C1orf21: variants seen among roughly 807,000 people sequenced by gnomAD.
C1orf21 encodes the protein uncharacterized protein C1orf21.
Under a neutral mutation model 18.7 loss-of-function variants are expected in C1orf21, and 3 were observed. That is an observed-to-expected ratio of 0.16 (90% CI 0.07 to 0.42). C1orf21 has a LOEUF of 0.42. Ranked by LOEUF, C1orf21 falls within the 10% of genes least tolerant of loss-of-function variation. C1orf21 has a pLI of 0.99. For missense variants in C1orf21, 104 were observed against 143.6 expected (o/e 0.72, Z 1.41); for synonymous variants, 41 against 46.4 (o/e 0.88, Z 0.47).
At chr1:184,532,793 G>A (rs1424878994) in intron 3 of C1orf21, among the ~76,000 whole-genome samples, 1 of 152,094 alleles carries the variant, frequency 6.6e-6, no homozygotes, top group Non-Finnish European at 1.5e-5. Flanking sequence ...CACAGTTACA[G>A]TTTTTATTGT....
chr1:184,405,291 G>T (rs1008804336), intron 1 of C1orf21, among the ~76,000 whole-genome samples: 1 of 151,928 alleles, frequency 6.6e-6, no homozygotes, highest in African/African-American at 2.4e-5. Context: ...AATCTCCCTG[G>T]CTCTATCAAT....
At chr1:184,541,305 G>A (rs951669127) in intron 3 of C1orf21, among the ~76,000 whole-genome samples, 2 of 152,096 alleles carry the variant, frequency 1.3e-5, no homozygotes, top group African/African-American at 4.8e-5. Context: ...GGACCCCTAG[G>A]TTTTATTTTT....
At chr1:184,402,992 G>A (rs1656187753) in intron 1 of C1orf21, among the ~76,000 whole-genome samples, 1 of 152,176 alleles carries the variant, frequency 6.6e-6, no homozygotes, top group Non-Finnish European at 1.5e-5. Context: ...TTTCAGGGTA[G>A]CAGAATAAAG....
chr1:184,504,126 C>G (rs959554275), intron 2 of C1orf21, among the ~76,000 whole-genome samples: 2 of 152,164 alleles, frequency 1.3e-5, no homozygotes, highest in African/African-American at 4.8e-5. Context: ...CCAGGCGTTG[C>G]TTTTACCCCA....
intron 1 of C1orf21, among the ~76,000 whole-genome samples, chr1:184,396,251 TG>T (rs1442510812): frequency 6.6e-6 from 1 of 152,168 alleles, no homozygotes; most frequent in Non-Finnish European, 1.5e-5. Context: ...TTTTGTATGA[TG>T]TTTGGTTCTC....
At chr1:184,536,267 A>G (rs911970829) in intron 3 of C1orf21, among the ~76,000 whole-genome samples, 7 of 151,958 alleles carry the variant, frequency 4.6e-5, no homozygotes, top group African/African-American at 1.7e-4. Flanking sequence ...TGGCGTACAC[A>G]CTCTAAGAGC....
At chr1:184,524,968 A>G (rs556331151) in intron 3 of C1orf21, among the ~76,000 whole-genome samples, 1 of 152,228 alleles carries the variant, frequency 6.6e-6, no homozygotes, top group East Asian at 1.9e-4. Flanking sequence ...TGAGGAGTAC[A>G]TTGAGATTAC....
chr1:184,491,403 G>A (rs2101956218), intron 2 of C1orf21, among the ~76,000 whole-genome samples: 1 of 150,796 alleles, frequency 6.6e-6, no homozygotes, highest in East Asian at 1.9e-4. Context: ...AGGCTGGAGT[G>A]CAATGGCACG....
intron 3 of C1orf21, among the ~76,000 whole-genome samples, chr1:184,586,393 C>G (rs964976807): frequency 2.0e-5 from 3 of 151,070 alleles, no homozygotes; most frequent in Admixed American, 1.3e-4. Flanking sequence ...ACGCCATTCT[C>G]CTGCCTCAGC....
chr1:184,542,065 C>A (rs1571406617), intron 3 of C1orf21, among the ~76,000 whole-genome samples: 1 of 152,286 alleles, frequency 6.6e-6, no homozygotes, highest in Non-Finnish European at 1.5e-5. Flanking sequence ...ATACCGGGTG[C>A]AGTCATCTTT....
chr1:184,464,696 G>T (rs1367494080), intron 1 of C1orf21, among the ~76,000 whole-genome samples: 1 of 151,466 alleles, frequency 6.6e-6, no homozygotes, highest in African/African-American at 2.4e-5. Context: ...GACATGGAAT[G>T]GTGTATAGAC....
intron 3 of C1orf21, among the ~76,000 whole-genome samples, chr1:184,581,352 C>T (rs1659274280): frequency 6.6e-6 from 1 of 151,892 alleles, no homozygotes. Flanking sequence ...ATTGCTTGAA[C>T]CTGGGAGGCG....
intron 3 of C1orf21, among the ~76,000 whole-genome samples, chr1:184,552,298 G>T (rs1018458731): frequency 1.3e-5 from 2 of 152,146 alleles, no homozygotes; most frequent in African/African-American, 4.8e-5. Flanking sequence ...GAAGGTAGAA[G>T]AATAACCTTA....
chr1:184,449,336 G>A (rs374925887), intron 1 of C1orf21, among the ~76,000 whole-genome samples: 37 of 152,104 alleles, frequency 2.4e-4, no homozygotes, highest in African/African-American at 8.0e-4. Flanking sequence ...TGCTGAGAAT[G>A]ATGGTTTCCA....
At chr1:184,610,954 C>T in intron 5 of C1orf21, among the ~76,000 whole-genome samples, 1 of 151,718 alleles carries the variant, frequency 6.6e-6, no homozygotes, top group South Asian at 2.1e-4. Flanking sequence ...TTAGTTAATA[C>T]TTACTCTCTC....
rs1557965191 is a variant in C1orf21 at position 184,410,665 on chromosome 1, T to TATATATATATAATATATATATATA, written c.-125+23297_-125+23298insATATATATATAATATATATATATA. On this transcript the variant is annotated intron_variant, in intron 1 of 5. Transcript: ENST00000235307. ...TATATATATATATATATATATATATTTTTTTTTTTTTTTTTTGAGATGGAG... is the reference window on the plus strand; with the variant it reads ...TATATATATATATATATATATATATTATATATATATAATATATATATATATTTTTTTTTTTTTTTTGAGATGGAG... Among the ~76,000 whole-genome samples, 8 of 16,506 alleles carry TATATATATATAATATATATATATA rather than the reference T, an allele frequency of 4.8e-4. No individual in the cohort carries two copies. The African/African-American group carries it at 8.2e-3, about 17-fold the overall frequency. 10.8% of individuals were successfully genotyped at this position (16,506 alleles called of 152,430 possible).
intron 5 of C1orf21, among the ~76,000 whole-genome samples, chr1:184,617,421 T>C (rs1356841306): frequency 6.6e-6 from 1 of 152,140 alleles, no homozygotes; most frequent in Non-Finnish European, 1.5e-5. Flanking sequence ...CTGATATTTA[T>C]GGCATTGTGT....
chr1:184,614,893 C>T (rs1246838195), intron 5 of C1orf21, among the ~76,000 whole-genome samples: 3 of 152,318 alleles, frequency 2.0e-5, no homozygotes, highest in African/African-American at 7.2e-5. Context: ...TCGCCTGTCG[C>T]TCACTTCATG....
chr1:184,492,682 G>T (rs1657833362), intron 2 of C1orf21, among the ~76,000 whole-genome samples: 1 of 152,172 alleles, frequency 6.6e-6, no homozygotes, highest in South Asian at 2.1e-4. Flanking sequence ...TTCCACCTTG[G>T]CTGGCTGGTT....
Sources: allele counts gnomAD v4.1 joint callset (sites outside exome capture counted in the v4.1 genomes callset), GRCh38; gene constraint gnomAD v4.1.1; transcripts MANE v1.5; gene names NCBI Gene and HGNC (gene_info 2026-07-23, HGNC 2026-07-21).